Variants in CBLB observed in about 807,000 individuals in gnomAD.
CBLB encodes Cbl proto-oncogene B.
CBLB carries 31 observed loss-of-function variants against 104.9 expected under a neutral mutation model. The observed-to-expected ratio is 0.30, with a 90% CI of 0.22 to 0.40. CBLB has a LOEUF of 0.40. Ranked by LOEUF, CBLB falls within the 10% of genes least tolerant of loss-of-function variation. The probability of loss-of-function intolerance (pLI) is 1.00; values close to 1 mark genes in which losing one functional copy is unlikely to be tolerated. For missense variants in CBLB, 1,062 were observed against 1,214.6 expected (o/e 0.87, Z 1.87); for synonymous variants, 440 against 422.6 (o/e 1.04, Z -0.51).
At chr3:105,832,187 C>T (rs751273466) in intron 3 of CBLB, among the ~76,000 whole-genome samples, 18 of 152,160 alleles carry the variant, frequency 1.2e-4, no homozygotes, top group Non-Finnish European at 1.6e-4. Flanking sequence ...ATACAATATA[C>T]GACCCATATA....
chr3:105,676,877 C>T (rs2065711426), intron 17 of CBLB, among the ~76,000 whole-genome samples: 1 of 152,122 alleles, frequency 6.6e-6, no homozygotes, highest in South Asian at 2.1e-4. Flanking sequence ...AAATGTCTGG[C>T]ATTTTCCCTG....
chr3:105,678,811 C>A lies in CBLB; in HGVS notation c.2429-240G>T, dbSNP rs570732120. 1.4e-4 allele frequency among the ~76,000 whole-genome samples: 22 copies of A among 152,200 alleles called. No individual in the cohort carries two copies. The South Asian group carries it at 4.6e-3, about 32-fold the overall frequency. ...ATACGTACAAACACACCCATGCAAA[C>A]TTTTTCTATCAGGCCTTTTTATAAA... is the stretch of plus-strand genomic sequence containing the variant. On this transcript the variant is annotated intron_variant, in intron 16 of 18. Transcript: ENST00000394030.
chr3:105,846,877 TG>T (rs1488398979), intron 3 of CBLB, among the ~76,000 whole-genome samples: 2 of 152,122 alleles, frequency 1.3e-5, no homozygotes, highest in East Asian at 3.8e-4. Context: ...TCTCTTTATA[TG>T]GTAAACTGAA....
intron 15 of CBLB, 47 bp from the exon 16 acceptor site, chr3:105,681,657 G>T: frequency 6.2e-7 from 1 of 1,612,328 alleles, no homozygotes; most frequent in South Asian, 1.1e-5. Flanking sequence ...ACAATGGCAT[G>T]AAATTTTGCC....
chr3:105,754,525 G>GAGAGAGAGAGAGAGAGAAAC (rs2076887628), intron 4 of CBLB, among the ~76,000 whole-genome samples: 1 of 15,992 alleles, frequency 6.3e-5, no homozygotes, highest in Admixed American at 5.2e-4. Flanking sequence ...GAGAGAGACA[G>GAGAGAGAGAGAGAGAGAAAC]AGAGAGAGAG....
chr3:105,770,710 C>T (rs2078775992), intron 4 of CBLB, among the ~76,000 whole-genome samples: 1 of 152,150 alleles, frequency 6.6e-6, no homozygotes, highest in Admixed American at 6.5e-5. Flanking sequence ...TTTTGAAAGC[C>T]ATGGCAGCTT....
intron 2 of CBLB, among the ~76,000 whole-genome samples, chr3:105,859,090 T>A (rs2091878122): frequency 6.6e-6 from 1 of 152,220 alleles, no homozygotes; most frequent in African/African-American, 2.4e-5. Context: ...TAAAGAGTTT[T>A]CTGACTGCGC....
chr3:105,714,671 T>C (rs1414009870), intron 10 of CBLB, among the ~76,000 whole-genome samples: 1 of 152,196 alleles, frequency 6.6e-6, no homozygotes, highest in Non-Finnish European at 1.5e-5. Context: ...CTCACTAGCC[T>C]GTTGCTCACC....
At chr3:105,697,082 A>G (rs187023760) in intron 12 of CBLB, among the ~76,000 whole-genome samples, 2 of 151,814 alleles carry the variant, frequency 1.3e-5, no homozygotes, top group Admixed American at 6.6e-5. Context: ...TTACCTCTTA[A>G]TCACATGCCT....
chr3:105,681,529 G>C lies in CBLB; in HGVS notation c.2378C>G (p.Ser793Cys). ...ATCAGAGGGCGTCCTGTTGAGTGAAGAACCATGCTTTGGATTGTCCCGAGT... is the reference window on the plus strand; with the variant it reads ...ATCAGAGGGCGTCCTGTTGAGTGAACAACCATGCTTTGGATTGTCCCGAGT... ...PPTRDNPKHGSSLNRTPSDYD... is the reference protein window; with the variant it reads ...PPTRDNPKHGCSLNRTPSDYD... The change falls in exon 16 of 19, where the codon TCT (serine) becomes TGT (cysteine). Residue 793 changes from serine (S) to cysteine (C), a missense_variant. Physicochemically the swap from Ser to Cys is moderately radical, Grantham distance 112. Transcript: ENST00000394030. The C allele has an allele frequency of 6.2e-7, 1 of 1,614,066 alleles. No homozygotes were observed. The highest frequency in any genetic ancestry group is 8.5e-7 in the Non-Finnish European group (1 of 1,179,922).
chr3:105,755,647 C>G (rs529240994), intron 4 of CBLB, among the ~76,000 whole-genome samples: 11 of 152,178 alleles, frequency 7.2e-5, no homozygotes, highest in Non-Finnish European at 1.2e-4. Flanking sequence ...TGTTTGCAAA[C>G]AGGAACTTCT....
At chr3:105,797,529 A>C (rs115895543) in intron 3 of CBLB, among the ~76,000 whole-genome samples, 253 of 152,194 alleles carry the variant, frequency 1.7e-3, no homozygotes, top group African/African-American at 6.0e-3. Context: ...TAATCTGTAC[A>C]CCAAACCCCC....
intron 4 of CBLB, among the ~76,000 whole-genome samples, chr3:105,767,985 T>A (rs964094603): frequency 4.0e-5 from 6 of 150,770 alleles, no homozygotes; most frequent in African/African-American, 1.5e-4. Flanking sequence ...ATCTCACACA[T>A]ACACATGCTA....
chr3:105,737,203 G>T lies in CBLB; in HGVS notation c.1039C>A (p.Pro347Thr). 1 of 1,591,716 alleles carries T rather than the reference G, an allele frequency of 6.3e-7. No individual in the cohort carries two copies. The highest frequency in any genetic ancestry group is 8.6e-7 in the Non-Finnish European group (1 of 1,161,896). Residue 347 changes from proline (P) to threonine (T), a missense_variant, in exon 8 of 19, where the codon CCT (proline) becomes ACT (threonine). Coordinates refer to ENST00000394030, the MANE Select transcript of CBLB (RefSeq NM_170662.5). ...YNPDLTGLCEPTPHDHIKVTQ... is the reference protein window; with the variant it reads ...YNPDLTGLCETTPHDHIKVTQ... ...ACTTTTATATGGTCATGAGGTGTAGGTTCACATAATCCAGTTAAATCAGGA... is the reference window on the plus strand; with the variant it reads ...ACTTTTATATGGTCATGAGGTGTAGTTTCACATAATCCAGTTAAATCAGGA...
intron 13 of CBLB, among the ~76,000 whole-genome samples, chr3:105,687,134 C>T (rs2067106930): frequency 6.6e-6 from 1 of 152,124 alleles, no homozygotes; most frequent in African/African-American, 2.4e-5. Flanking sequence ...TGTACATCCT[C>T]TCTATGCCTA....
Position 105,702,332 on chromosome 3 carries a change from T to C in CBLB, c.1721A>G (p.His574Arg), listed in dbSNP as rs1215226318. ...AGGCACGCTTTCCACATGATGGATG[T>C]GTCTACTCAGTCTATTGTCTGGTGG... ...PIPPDNRLSR[H>R]IHHVESVPSR... The change falls in exon 12 of 19, where the codon CAC becomes CGC. Residue 574 changes from histidine to arginine, a missense_variant. His to Arg is a conservative substitution (Grantham distance 29). Transcript: ENST00000394030. 6.2e-7 allele frequency: 1 copy of C among 1,614,000 alleles called. No homozygotes were observed. Among genetic ancestry groups the C allele is most frequent in the Non-Finnish European group, 8.5e-7 (1 of 1,179,990 alleles).
intron 10 of CBLB, among the ~76,000 whole-genome samples, chr3:105,712,254 A>C (rs1478708063): frequency 6.6e-6 from 1 of 152,096 alleles, no homozygotes; most frequent in Non-Finnish European, 1.5e-5. Context: ...GTGTGATTTT[A>C]ATTTAAATTT....
intron 13 of CBLB, 55 bp downstream of exon 13, chr3:105,693,439 A>ATT: frequency 4.3e-6 from 3 of 697,820 alleles, no homozygotes; most frequent in South Asian, 4.8e-5. Flanking sequence ...TCTCAAAACC[A>ATT]CTCTACCATA....
intron 9 of CBLB, among the ~76,000 whole-genome samples, chr3:105,724,864 C>T (rs916295836): frequency 1.3e-5 from 2 of 151,842 alleles, no homozygotes; most frequent in Non-Finnish European, 2.9e-5. Context: ...TTATTGTTCC[C>T]CAACAAGAAA....
Sources: gnomAD v4.1 joint callset for allele counts (sites outside exome capture counted in the v4.1 genomes callset) on GRCh38, gnomAD v4.1.1 for gene constraint, MANE v1.5 for transcripts, NCBI Gene and HGNC (gene_info 2026-07-23, HGNC 2026-07-21) for gene names.